FAT3: variants seen among roughly 807,000 people sequenced by gnomAD.
FAT3 encodes protocadherin Fat 3.
FAT3 carries 95 observed loss-of-function variants against 310.2 expected under a neutral mutation model. The observed-to-expected ratio is 0.31, with a 90% CI of 0.26 to 0.36. The LOEUF (loss-of-function observed/expected upper bound fraction) is 0.36, where lower values mean the gene tolerates loss of function less well. Among genes scored for constraint, FAT3 ranks in the 10% least tolerant of loss-of-function variants. The pLI is 1.00. For missense variants in FAT3, 5,408 were observed against 5,715.6 expected (o/e 0.95, Z 1.74); for synonymous variants, 2,314 against 2,192.9 (o/e 1.06, Z -1.54).
chr11:92,829,948 G>T (rs1948199139), intron 13 of FAT3, among the ~76,000 whole-genome samples: 1 of 152,044 alleles, frequency 6.6e-6, no homozygotes, highest in Non-Finnish European at 1.5e-5. Flanking sequence ...TGTACATTGG[G>T]AAAGTAAAAT....
intron 1 of FAT3, among the ~76,000 whole-genome samples, chr11:92,340,097 G>T: frequency 8.7e-6 from 1 of 115,524 alleles, no homozygotes; most frequent in African/African-American, 3.6e-5. Flanking sequence ...GGGCAACAGA[G>T]CAAGACTCCA....
chr11:92,606,818 A>G (rs764090030), intron 3 of FAT3, among the ~76,000 whole-genome samples: 5 of 152,198 alleles, frequency 3.3e-5, no homozygotes, highest in Non-Finnish European at 5.9e-5. Flanking sequence ...ACTACTTTGT[A>G]TAGGCTTTGG....
At chr11:92,844,955 T>G (rs1191473790) in intron 19 of FAT3, among the ~76,000 whole-genome samples, 1 of 152,224 alleles carries the variant, frequency 6.6e-6, no homozygotes, top group Non-Finnish European at 1.5e-5. Context: ...CGAGCCTATT[T>G]TATACATATT....
chr11:92,462,804 A>C (rs1489994464), intron 2 of FAT3, among the ~76,000 whole-genome samples: 2 of 152,190 alleles, frequency 1.3e-5, no homozygotes, highest in South Asian at 4.1e-4. Flanking sequence ...AATTCCTACA[A>C]TATATAAGAG....
At chr11:92,613,268 C>G (rs1940650722) in intron 3 of FAT3, among the ~76,000 whole-genome samples, 1 of 152,172 alleles carries the variant, frequency 6.6e-6, no homozygotes, top group Non-Finnish European at 1.5e-5. Context: ...CTTCCAGCCT[C>G]TTGCTTCTCC....
chr11:92,719,053 T>C (rs1944775865), intron 4 of FAT3, among the ~76,000 whole-genome samples: 1 of 152,166 alleles, frequency 6.6e-6, no homozygotes, highest in South Asian at 2.1e-4. Flanking sequence ...CATGGAAATA[T>C]TTTTACAGTA....
intron 1 of FAT3, among the ~76,000 whole-genome samples, chr11:92,320,593 T>G (rs900930850): frequency 1.3e-5 from 2 of 152,140 alleles, no homozygotes; most frequent in African/African-American, 4.8e-5. Flanking sequence ...TATGGCTGGG[T>G]GCAGTGGCTC....
chr11:92,478,062 A>T (rs1952095930), intron 2 of FAT3, among the ~76,000 whole-genome samples: 1 of 152,182 alleles, frequency 6.6e-6, no homozygotes, highest in African/African-American at 2.4e-5. Flanking sequence ...CAGCATAGAG[A>T]AGTTATTTAA....
chr11:92,421,916 T>C (rs536345270), intron 2 of FAT3, among the ~76,000 whole-genome samples: 121 of 152,316 alleles, frequency 7.9e-4, no homozygotes, highest in African/African-American at 2.8e-3. Flanking sequence ...ATGAAGACAC[T>C]GACATTTAGA....
chr11:92,511,324 C>T (rs1374887895), intron 2 of FAT3, among the ~76,000 whole-genome samples: 1 of 151,966 alleles, frequency 6.6e-6, no homozygotes, highest in Admixed American at 6.6e-5. Flanking sequence ...ATTCTATCCA[C>T]ATTTTATTTT....
intron 2 of FAT3, among the ~76,000 whole-genome samples, chr11:92,476,140 G>T (rs1294532022): frequency 6.6e-6 from 1 of 151,708 alleles, no homozygotes; most frequent in Non-Finnish European, 1.5e-5. Context: ...GGGCTGGGTG[G>T]GTGGACAGTA....
At chr11:92,671,164 C>T (rs1943117423) in intron 3 of FAT3, among the ~76,000 whole-genome samples, 1 of 151,990 alleles carries the variant, frequency 6.6e-6, no homozygotes, top group Non-Finnish European at 1.5e-5. Context: ...TGTGCCTCAG[C>T]CTCCTGAGCA....
chr11:92,310,065 C>G (rs1947258898), intron 1 of FAT3, among the ~76,000 whole-genome samples: 1 of 151,666 alleles, frequency 6.6e-6, no homozygotes, highest in South Asian at 2.1e-4. Context: ...CAACAAAAAA[C>G]ACCCTTTGAT....
At chr11:92,735,606 T>C (rs1003775834) in intron 4 of FAT3, among the ~76,000 whole-genome samples, 3 of 150,922 alleles carry the variant, frequency 2.0e-5, no homozygotes, top group African/African-American at 7.3e-5. Flanking sequence ...AGATAGAAAT[T>C]AATGACAGCA....
At chr11:92,273,333 C>T (rs1946179672) in intron 1 of FAT3, among the ~76,000 whole-genome samples, 1 of 152,068 alleles carries the variant, frequency 6.6e-6, no homozygotes, top group Non-Finnish European at 1.5e-5. Context: ...TTAAGTCCTT[C>T]TGCCTCATCT....
At chr11:92,286,055 C>T (rs889836930) in intron 1 of FAT3, among the ~76,000 whole-genome samples, 1 of 152,038 alleles carries the variant, frequency 6.6e-6, no homozygotes, top group Non-Finnish European at 1.5e-5. Flanking sequence ...CAGCGTGACT[C>T]CCTCTCTCTC....
rs972048966 is a variant in FAT3 at position 92,844,632 on chromosome 11, A to C, written c.11265A>C (p.Gln3755His). Residue 3755 changes from glutamine to histidine, a missense_variant, in exon 19 of 28, where the codon CAA becomes CAC. Around this residue, in one of 5 missense-constraint regions of FAT3, gnomAD observed 4,588 missense variants for 4,809.8 expected, o/e 0.95. Transcript: ENST00000525166. The stretch of plus-strand genomic sequence containing the variant: ...ACTGTCAGGAACAGCATTGTGAGCA[A>C]GGCTTGTCACTCGATTCCCACGCGC... ...GLDCQEQHCE[Q>H]GLSLDSHALM... The C allele has an allele frequency of 1.2e-6, 2 of 1,612,506 alleles. No individual in the cohort carries two copies. Among genetic ancestry groups the C allele is most frequent in the Admixed American group, 1.7e-5 (1 of 59,848 alleles).
intron 1 of FAT3, among the ~76,000 whole-genome samples, chr11:92,296,408 C>T (rs1341250282): frequency 6.6e-6 from 1 of 151,982 alleles, no homozygotes; most frequent in East Asian, 1.9e-4. Flanking sequence ...AGACAATGTA[C>T]ACAAAGAGGA....
chr11:92,721,918 A>T (rs1024689048), intron 4 of FAT3, among the ~76,000 whole-genome samples: 10 of 151,872 alleles, frequency 6.6e-5, no homozygotes, highest in Non-Finnish European at 1.0e-4. Flanking sequence ...CACAGGAAAA[A>T]CCCACCTCCA....
Sources: allele counts gnomAD v4.1 joint callset (sites outside exome capture counted in the v4.1 genomes callset), GRCh38; gene constraint gnomAD v4.1.1; regional missense constraint gnomAD v4.1.1; transcripts MANE v1.5; gene names NCBI Gene and HGNC (gene_info 2026-07-23, HGNC 2026-07-21).